The following SLC20A1 variants were observed in gnomAD, a reference collection of about 807,000 sequenced individuals.
The protein encoded by SLC20A1 is sodium-dependent phosphate transporter 1.
A neutral mutation model predicts 62.7 loss-of-function variants in SLC20A1; 28 were observed. The observed-to-expected ratio is 0.45, with a 90% CI of 0.33 to 0.61. SLC20A1 has a LOEUF of 0.61. SLC20A1 is among the 20% of genes least tolerant of loss of function. The pLI is 0.02. For synonymous variants in SLC20A1, 305 were observed against 302.9 expected (o/e 1.01, Z -0.07); for missense variants, 673 against 838.6 (o/e 0.80, Z 2.44).
At chr2:112,660,674 A>T (rs916583905) in intron 9 of SLC20A1, 102 bp downstream of exon 9, 10 of 984,502 alleles carry the variant, frequency 1.0e-5, no homozygotes, top group South Asian at 1.8e-5. Context: ...CCAAGTTTGT[A>T]TAAGTTCATG....
chr2:112,648,195 T>A (rs2104640780), intron 4 of SLC20A1, among the ~76,000 whole-genome samples: 1 of 152,330 alleles, frequency 6.6e-6, no homozygotes, highest in East Asian at 1.9e-4. Context: ...AGATGAGGAC[T>A]CTGCCTCCCA....
intron 8 of SLC20A1, 115 bp downstream of exon 8, chr2:112,659,877 C>A: frequency 3.7e-6 from 3 of 800,556 alleles, no homozygotes; most frequent in Non-Finnish European, 4.0e-6. Flanking sequence ...CCAAATAATA[C>A]AAATAGGATG....
chr2:112,648,993 G>T (rs540088279), intron 4 of SLC20A1, among the ~76,000 whole-genome samples: 2 of 152,318 alleles, frequency 1.3e-5, no homozygotes, highest in South Asian at 4.1e-4. Flanking sequence ...AGGATCTCCT[G>T]TTGTGAATTC....
intron 5 of SLC20A1, among the ~76,000 whole-genome samples, chr2:112,655,937 G>A (rs906188592): frequency 5.9e-5 from 9 of 152,004 alleles, no homozygotes; most frequent in African/African-American, 1.9e-4. Context: ...GTGACCTCAG[G>A]TGCTCCACCT....
At position 112,650,629 on chromosome 2, in the gene SLC20A1, C is replaced by CT. The variant is rs373260777; in HGVS notation, c.562-2062dup. 6.9e-4 allele frequency among the ~76,000 whole-genome samples: 100 copies of CT among 145,688 alleles called. No homozygotes were observed. In the Middle Eastern group the frequency reaches 0.015, roughly 21 times the overall value. ...TACAGGCTTGAGCCACTGCACCTGG[C>CT]TTTTTTTTTTTCTTAAGCGAAGTCT... On this transcript the variant is annotated intron_variant, in intron 4 of 10. Coordinates refer to ENST00000272542, the MANE Select transcript of SLC20A1 (RefSeq NM_005415.5).
intron 4 of SLC20A1, among the ~76,000 whole-genome samples, chr2:112,651,382 T>C (rs1686430975): frequency 6.6e-6 from 1 of 152,102 alleles, no homozygotes; most frequent in Non-Finnish European, 1.5e-5. Flanking sequence ...CCTTCCCATA[T>C]ATGTATTCAG....
At position 112,646,960 on chromosome 2, in the gene SLC20A1, A is replaced by C. The variant is rs1238319273; in HGVS notation, c.132A>C (p.Val44=). Residue 44 remains valine (V), a synonymous_variant, in exon 2 of 11, where the codon GTA becomes GTC. Coordinates refer to ENST00000272542, the MANE Select transcript of SLC20A1 (RefSeq NM_005415.5). ...CATTCTCCGTGGGAGCCAATGATGT[A>C]GCAAATTCTTTTGGTACAGCTGTGG... ...VLAFSVGAND[V]ANSFGTAVGS... 6.2e-7 allele frequency: 1 copy of C among 1,614,152 alleles called. No homozygotes were observed. The highest frequency in any genetic ancestry group is 8.5e-7 in the Non-Finnish European group (1 of 1,180,038).
At chr2:112,656,119 C>T (rs1686577358) in intron 5 of SLC20A1, among the ~76,000 whole-genome samples, 1 of 151,114 alleles carries the variant, frequency 6.6e-6, no homozygotes, top group Non-Finnish European at 1.5e-5. Flanking sequence ...TGTTGCTAGG[C>T]AAGTCTTTTT....
At chr2:112,660,050 GGATGTAA>G (rs1427860646) in intron 8 of SLC20A1, among the ~76,000 whole-genome samples, 2 of 152,250 alleles carry the variant, frequency 1.3e-5, no homozygotes, top group South Asian at 2.1e-4. Context: ...GTGAATTGTG[GGATGTAA>G]GATGTAAGAT....
intron 8 of SLC20A1, among the ~76,000 whole-genome samples, 153 bp from the exon 9 acceptor site, chr2:112,660,234 G>C (rs1267499611): frequency 6.6e-6 from 1 of 152,138 alleles, no homozygotes; most frequent in Non-Finnish European, 1.5e-5. Context: ...TGTATGTTGG[G>C]GTTCCATTTA....
At chr2:112,651,443 G>T (rs1008506499) in intron 4 of SLC20A1, among the ~76,000 whole-genome samples, 6 of 150,022 alleles carry the variant, frequency 4.0e-5, no homozygotes, top group Non-Finnish European at 7.4e-5. Context: ...TTACTCTGTT[G>T]CCCAGGCTGG....
At chr2:112,656,015 G>A (rs1249201618) in intron 5 of SLC20A1, among the ~76,000 whole-genome samples, 1 of 151,164 alleles carries the variant, frequency 6.6e-6, no homozygotes, top group African/African-American at 2.4e-5. Context: ...CTTTACTTCT[G>A]TCTTTAGTAC....
chr2:112,650,038 C>G (rs1205860105), intron 4 of SLC20A1, among the ~76,000 whole-genome samples: 1 of 152,086 alleles, frequency 6.6e-6, no homozygotes, highest in East Asian at 1.9e-4. Context: ...AACCATGAAC[C>G]TGTATTTCAC....
At chr2:112,656,954 A>G (rs1686606179) in intron 5 of SLC20A1, 168 bp from the exon 6 acceptor site, 11 of 798,208 alleles carry the variant, frequency 1.4e-5, no homozygotes, top group Non-Finnish European at 2.4e-5. Context: ...TTTTCTCCCA[A>G]ATTTGTATAG....
At chr2:112,651,829 C>G (rs1441126035) in intron 4 of SLC20A1, 1 of 152,188 alleles carries the variant, frequency 6.6e-6, no homozygotes, top group Non-Finnish European at 1.5e-5. Context: ...AAGTTTTTGC[C>G]TTAGGGCCTT....
At chr2:112,655,509 A>T (rs1343888425) in intron 5 of SLC20A1, among the ~76,000 whole-genome samples, 1 of 139,586 alleles carries the variant, frequency 7.2e-6, no homozygotes, top group East Asian at 2.2e-4. Context: ...AGATCATTAT[A>T]ATATCTTTTA....
chr2:112,659,775 T>A lies in SLC20A1; in HGVS notation c.1607+13T>A, dbSNP rs1686699069. On this transcript the variant is annotated intron_variant, in intron 8 of 10. Transcript: ENST00000272542. The stretch of plus-strand genomic sequence containing the variant: ...GCAATGACGTAAGGTCAGTTGACAT[T>A]GATCTTAGTGTTGCTAACCCTATTT... The A allele has an allele frequency of 1.9e-6, 3 of 1,600,020 alleles. No homozygotes were observed. In the South Asian group the frequency reaches 3.3e-5, roughly 18 times the overall value.
At position 112,659,765 on chromosome 2, in the gene SLC20A1, C is replaced by G. The variant is rs776669053; in HGVS notation, c.1607+3C>G. The stretch of plus-strand genomic sequence containing the variant: ...GCCCATGGTGGCAATGACGTAAGGT[C>G]AGTTGACATTGATCTTAGTGTTGCT... On this transcript the variant is annotated splice_donor_region_variant and intron_variant, in intron 8 of 10. Transcript: ENST00000272542. 5 of 1,607,196 alleles carry G rather than the reference C, an allele frequency of 3.1e-6. No homozygotes were observed. Among genetic ancestry groups the G allele is most frequent in the East Asian group, 2.2e-5 (1 of 44,788 alleles).
intron 9 of SLC20A1, 117 bp downstream of exon 9, chr2:112,660,689 T>G: frequency 1.2e-6 from 1 of 837,638 alleles, no homozygotes; most frequent in Non-Finnish European, 1.7e-6. Flanking sequence ...TTCATGATGT[T>G]CTTATTGTCA....
Sources: allele counts gnomAD v4.1 joint callset (sites outside exome capture counted in the v4.1 genomes callset), GRCh38; gene constraint gnomAD v4.1.1; transcripts MANE v1.5; gene names NCBI Gene and HGNC (gene_info 2026-07-23, HGNC 2026-07-21).